CAPN3: variants seen among roughly 807,000 people sequenced by gnomAD.
CAPN3 encodes the protein calpain-3.
CAPN3 carries 88 observed loss-of-function variants against 114.0 expected under a neutral mutation model. The observed-to-expected ratio is 0.77, with a 90% CI of 0.65 to 0.92. The LOEUF is 0.92. CAPN3 is among the 40% of genes least tolerant of loss of function. The pLI is 0.00. For missense variants in CAPN3, 1,028 were observed against 1,069.0 expected, an observed-to-expected ratio of 0.96 and a Z score of 0.53; for synonymous variants, 386 against 382.9, an observed-to-expected ratio of 1.01 and a Z score of -0.09.
At chr15:42,389,174 A>G in intron 5 of CAPN3, 78 bp downstream of exon 5, 1 of 1,389,222 alleles carries the variant, frequency 7.2e-7, no homozygotes, top group Admixed American at 1.7e-5. Context: ...GGCAGCATAG[A>G]GCTTTTGTGT....
chr15:42,390,585 A>G (rs888843295), intron 6 of CAPN3, among the ~76,000 whole-genome samples: 1 of 152,084 alleles, frequency 6.6e-6, no homozygotes, highest in Non-Finnish European at 1.5e-5. Flanking sequence ...TCACTGGAGA[A>G]TACTGAGCCA....
intron 1 of CAPN3, among the ~76,000 whole-genome samples, chr15:42,371,595 T>C (rs2052948990): frequency 6.6e-6 from 1 of 152,190 alleles, no homozygotes; most frequent in South Asian, 2.1e-4. Context: ...ATATCCTGGA[T>C]ACTAATCCTT....
chr15:42,385,699 C>T (rs1200728645), intron 2 of CAPN3: 2 of 520,570 alleles, frequency 3.8e-6, no homozygotes, highest in Non-Finnish European at 7.7e-6. Flanking sequence ...GGGCAGCTGC[C>T]TACCTGGCCT....
chr15:42,399,687 C>A, intron 10 of CAPN3, 35 bp downstream of exon 10: 1 of 1,552,590 alleles, frequency 6.4e-7, no homozygotes, highest in Admixed American at 1.9e-5. Context: ...AGGGTCTAAG[C>A]CGAAAAAGTT....
At chr15:42,373,691 TC>T (rs2053014277) in intron 1 of CAPN3, among the ~76,000 whole-genome samples, 1 of 152,312 alleles carries the variant, frequency 6.6e-6, no homozygotes, top group East Asian at 1.9e-4. Context: ...AACAGGGACT[TC>T]CATCTGCAGT....
intron 16 of CAPN3, 104 bp from the exon 17 acceptor site, chr15:42,409,199 T>A: frequency 9.9e-7 from 1 of 1,009,916 alleles, no homozygotes; most frequent in Non-Finnish European, 1.5e-6. Context: ...TGCTGCCACC[T>A]CCGGCCGTTT....
chr15:42,409,533 C>T (rs530302812), intron 17 of CAPN3, among the ~76,000 whole-genome samples, 153 bp downstream of exon 17: 84 of 152,294 alleles, frequency 5.5e-4, no homozygotes, highest in African/African-American at 1.8e-3. Context: ...AATCCACAAG[C>T]CCTTGAGTTT....
In CAPN3 at chr15:42,411,339, T is replaced by C. The variant is rs28364543; in HGVS notation, c.2433T>C (p.Val811=). The change falls in exon 23 of 24, where the codon GTT becomes GTC. Residue 811 remains valine (V), a synonymous_variant. Transcript: ENST00000397163. ...KDGDGIIKLN[V]LEWLQLTMYA ...GAGATGGTATCATCAAGCTCAACGT[T>C]CTGGAGGTAAAGCATAGGCACAGCA... The C allele has an allele frequency of 2.0e-3, 3,177 of 1,613,906 alleles. 60 individuals are homozygous for C. The African/African-American group carries it at 0.039, about 20-fold the overall frequency.
rs760626912 is a variant in CAPN3, at chr15:42,360,069, T to G, written c.264T>G (p.Phe88Leu). 5 of 1,614,122 alleles carry G rather than the reference T, an allele frequency of 3.1e-6. No homozygotes were observed. In the Admixed American group the frequency reaches 6.7e-5, roughly 22 times the overall value. The change falls in exon 1 of 24, where the codon TTT becomes TTG. Residue 88 changes from phenylalanine to leucine, a missense_variant. Transcript: ENST00000397163. ...TCCCACCGGATGAGACCTCTCTCTT[T>G]TATAGCCAGAAGTTCCCCATCCAGT... ...PEFPPDETSL[F>L]YSQKFPIQFV... is the part of the protein sequence containing the mutation.
At chr15:42,368,621 C>T (rs527449650) in intron 1 of CAPN3, among the ~76,000 whole-genome samples, 1 of 152,294 alleles carries the variant, frequency 6.6e-6, no homozygotes, top group African/African-American at 2.4e-5. Flanking sequence ...CTGTAGTTCC[C>T]CTAGGAGCAA....
intron 15 of CAPN3, 131 bp from the exon 16 acceptor site, chr15:42,408,080 G>A (rs1387298509): frequency 1.5e-6 from 1 of 673,966 alleles, no homozygotes; most frequent in African/African-American, 1.8e-5. Context: ...CTTGAACCGA[G>A]GTTGAAGAGC....
chr15:42,387,507 T>C, intron 3 of CAPN3, among the ~76,000 whole-genome samples: 1 of 152,188 alleles, frequency 6.6e-6, no homozygotes, highest in East Asian at 1.9e-4. Flanking sequence ...TACCCATTAC[T>C]GGGCTGGACT....
intron 8 of CAPN3, among the ~76,000 whole-genome samples, chr15:42,395,928 G>A (rs528292575): frequency 6.6e-6 from 1 of 152,342 alleles, no homozygotes; most frequent in South Asian, 2.1e-4. Flanking sequence ...ATAGTGAGGA[G>A]AGAGAGTGTG....
Position 42,408,239 on chromosome 15 carries a change from A to G in CAPN3, c.1829A>G (p.Asn610Ser). Residue 610 changes from asparagine (N) to serine (S), a missense_variant, in exon 16 of 24, where the codon AAC (asparagine) becomes AGC (serine). Asn to Ser is a conservative substitution (Grantham distance 46, BLOSUM62 1). Transcript: ENST00000397163. ...ATCATCTTCGTTTCGGACAGAGCAAACAGCAACAAGGAGCTGGGTGTGGAC... is the reference window on the plus strand; with the variant it reads ...ATCATCTTCGTTTCGGACAGAGCAAGCAGCAACAAGGAGCTGGGTGTGGAC... ...KPIIFVSDRA[N>S]SNKELGVDQE... 3 of 1,613,596 alleles carry G rather than the reference A, an allele frequency of 1.9e-6. No individual in the cohort carries two copies. The highest frequency in any genetic ancestry group is 2.2e-5 in the East Asian group (1 of 44,840).
intron 21 of CAPN3, 21 bp downstream of exon 21, chr15:42,410,687 G>A: frequency 6.2e-7 from 1 of 1,602,260 alleles, no homozygotes; most frequent in Non-Finnish European, 8.5e-7. Context: ...GGAAGGGGTG[G>A]CAGGGATGTG....
rs886038224 is a variant in CAPN3 at position 42,409,920 on chromosome 15, C to T, written c.2051-11C>T. 4 of 1,612,546 alleles carry T rather than the reference C, an allele frequency of 2.5e-6. No homozygotes were observed. The highest frequency in any genetic ancestry group is 3.4e-6 in the Non-Finnish European group (4 of 1,179,780). On this transcript the variant is annotated splice_polypyrimidine_tract_variant and intron_variant, in intron 18 of 23. Coordinates refer to ENST00000397163, the MANE Select transcript of CAPN3 (RefSeq NM_000070.3). ...CTCAAAGCAGCTCCTCACTCTTCTC[C>T]ATCCCCCCAGACAAGGACCTGAAGA...
intron 1 of CAPN3, among the ~76,000 whole-genome samples, chr15:42,381,531 G>T (rs116001184): frequency 0.015 from 2,216 of 152,074 alleles, 54 homozygotes; most frequent in African/African-American, 0.051. Context: ...TTAATCATCA[G>T]GTACTTTGTT....
Position 42,399,777 on chromosome 15 carries a change from T to G in CAPN3, c.1354+125T>G, listed in dbSNP as rs998587087. The G allele has an allele frequency of 9.3e-6, 8 of 857,294 alleles. No individual in the cohort carries two copies. In the Admixed American group the frequency reaches 1.5e-4, roughly 16 times the overall value. The allele number at this position is 857,294 out of a possible 1,614,324, so 53.1% of individuals were successfully genotyped here. A position where few individuals can be genotyped will look rare whatever the true frequency, so the allele number is the denominator to read the frequency against. On this transcript the variant is annotated intron_variant, in intron 10 of 23. Transcript: ENST00000397163. Reference sequence around the variant, plus strand: ...ACTATCTTATTAAACCTTCCCTGTTTTACTGAGAAGGAAACCACCATGCTG... The same window carrying G: ...ACTATCTTATTAAACCTTCCCTGTTGTACTGAGAAGGAAACCACCATGCTG...
rs777872328 is a variant in CAPN3 at position 42,389,987 on chromosome 15, C to G, written c.836C>G (p.Ser279Cys). The stretch of plus-strand genomic sequence containing the variant: ...AACATGACCTATGGAACCTCTCCTT[C>G]TGGTCTGAACATGGGGGAGTTGATT... ...GTNMTYGTSP[S>C]GLNMGELIAR... is the part of the protein sequence containing the mutation. The change falls in exon 6 of 24, where the codon TCT (serine) becomes TGT (cysteine). Residue 279 changes from serine to cysteine, a missense_variant. Coordinates refer to ENST00000397163, the MANE Select transcript of CAPN3 (RefSeq NM_000070.3). 1.2e-6 allele frequency: 2 copies of G among 1,614,134 alleles called. No individual in the cohort carries two copies. Among genetic ancestry groups the G allele is most frequent in the Non-Finnish European group, 1.7e-6 (2 of 1,180,016 alleles).
Sources: gnomAD v4.1 joint callset for allele counts (sites outside exome capture counted in the v4.1 genomes callset) on GRCh38, gnomAD v4.1.1 for gene constraint, MANE v1.5 for transcripts, NCBI Gene and HGNC (gene_info 2026-07-23, HGNC 2026-07-21) for gene names.